GDA: variants seen among roughly 807,000 people sequenced by gnomAD.
GDA encodes the protein cytoplasmic PSD-95 interactor.
In GDA, 18 loss-of-function variants were observed where a neutral mutation model predicts 59.6. The ratio of observed to expected loss-of-function variants is 0.30; its 90% CI spans 0.21 to 0.45. The LOEUF is 0.45. Ranked by LOEUF, GDA falls within the 20% of genes least tolerant of loss-of-function variation. The probability of loss-of-function intolerance (pLI) is 1.00; values close to 1 mark genes in which losing one functional copy is unlikely to be tolerated. For synonymous variants in GDA, 201 were observed against 201.1 expected (o/e 1.00, Z 0.00); for missense variants, 427 against 552.3 (o/e 0.77, Z 2.27).
intron 1 of GDA, among the ~76,000 whole-genome samples, chr9:72,130,440 AC>A (rs1471034609): frequency 6.6e-6 from 1 of 152,230 alleles, no homozygotes; most frequent in African/African-American, 2.4e-5. Flanking sequence ...ACCATTAAGA[AC>A]ATTACATAAG....
At chr9:72,205,803 C>T (rs1030172993) in intron 3 of GDA, among the ~76,000 whole-genome samples, 2 of 152,150 alleles carry the variant, frequency 1.3e-5, no homozygotes, top group Admixed American at 6.5e-5. Flanking sequence ...ATGCTCAGGC[C>T]AAATTTAGCT....
chr9:72,121,316 G>T (rs1825653033), intron 1 of GDA, among the ~76,000 whole-genome samples: 1 of 152,164 alleles, frequency 6.6e-6, no homozygotes, highest in East Asian at 1.9e-4. Flanking sequence ...ATTCTATCTT[G>T]GCTGGGCGCA....
At chr9:72,231,312 C>G (rs1208475334) in intron 10 of GDA, 131 bp downstream of exon 10, 16 of 589,860 alleles carry the variant, frequency 2.7e-5, no homozygotes, top group Non-Finnish European at 6.3e-6. Context: ...CACGGTAGCT[C>G]ACGTCTGTAA....
chr9:72,210,349 A>T (rs976986932), intron 3 of GDA, among the ~76,000 whole-genome samples: 17 of 152,198 alleles, frequency 1.1e-4, no homozygotes, highest in African/African-American at 4.1e-4. Context: ...ATTCTGTAGT[A>T]GAAGAAAAAC....
rs1170889516 is a variant in GDA, at chr9:72,250,760, A to G, written c.*2418A>G. On this transcript the variant is annotated 3_prime_UTR_variant, in exon 14 of 14. Transcript: ENST00000358399. Reference sequence around the variant, plus strand: ...CTTGCTCTCTGACAGGAAAGAAACAATTCACTTACCAGCCTCCTCACCCCA... The same window carrying G: ...CTTGCTCTCTGACAGGAAAGAAACAGTTCACTTACCAGCCTCCTCACCCCA... 3 of 1,611,692 alleles carry G rather than the reference A, an allele frequency of 1.9e-6. No homozygotes were observed. The African/African-American group carries it at 4.0e-5, about 21-fold the overall frequency.
intron 1 of GDA, among the ~76,000 whole-genome samples, chr9:72,189,294 C>T (rs963744251): frequency 6.6e-6 from 1 of 150,686 alleles, no homozygotes; most frequent in African/African-American, 2.4e-5. Flanking sequence ...GATCCTCCCA[C>T]CTTAGCCTCC....
At chr9:72,233,961 A>G (rs572277893) in intron 10 of GDA, among the ~76,000 whole-genome samples, 144 of 152,182 alleles carry the variant, frequency 9.5e-4, no homozygotes, top group African/African-American at 3.2e-3. Context: ...AAATAAATGA[A>G]AGAATTGTAT....
Position 72,210,759 on chromosome 9 carries a change from CTTGCCGACA to C in GDA, c.460_468del (p.Ala154_Ile156del), listed in dbSNP as rs1472134659. ...AATTCACACTGACTCATCTCTGCTC[CTTGCCGACA>C]TTACAGGTGAGCAAATGAAGCATGA... On this transcript the variant is annotated inframe_deletion, in exon 4 of 14. Transcript: ENST00000358399. The C allele has an allele frequency of 6.2e-7, 1 of 1,607,440 alleles. No individual in the cohort carries two copies. The highest frequency in any genetic ancestry group is 1.1e-5 in the South Asian group (1 of 90,920).
intron 1 of GDA, among the ~76,000 whole-genome samples, chr9:72,173,789 G>C (rs1236664884): frequency 6.6e-6 from 1 of 152,106 alleles, no homozygotes; most frequent in African/African-American, 2.4e-5. Flanking sequence ...TTATAGTTCT[G>C]TTCTTTTGTC....
intron 1 of GDA, among the ~76,000 whole-genome samples, chr9:72,170,110 G>A (rs1160683965): frequency 6.6e-6 from 1 of 152,152 alleles, no homozygotes; most frequent in Non-Finnish European, 1.5e-5. Flanking sequence ...TGACAAAGAA[G>A]ATCATTTTCT....
chr9:72,150,337 G>A (rs996349514), intron 1 of GDA, among the ~76,000 whole-genome samples: 2 of 129,422 alleles, frequency 1.5e-5, no homozygotes, highest in Non-Finnish European at 3.3e-5. Flanking sequence ...ACACACACAC[G>A]CACGCACACA....
At chr9:72,211,518 A>T (rs1017266545) in intron 4 of GDA, among the ~76,000 whole-genome samples, 1 of 152,208 alleles carries the variant, frequency 6.6e-6, no homozygotes, top group Non-Finnish European at 1.5e-5. Flanking sequence ...CTCAGTAAAT[A>T]CTGTTGGCTG....
At chr9:72,191,617 C>T (rs997221125) in intron 1 of GDA, among the ~76,000 whole-genome samples, 6 of 151,816 alleles carry the variant, frequency 4.0e-5, no homozygotes, top group Non-Finnish European at 7.4e-5. Context: ...ATTCTTTTCG[C>T]TTTTGTTGCC....
chr9:72,169,334 A>C (rs1043801105), intron 1 of GDA, among the ~76,000 whole-genome samples: 1 of 152,208 alleles, frequency 6.6e-6, no homozygotes, highest in Admixed American at 6.5e-5. Flanking sequence ...TTGTTGAATT[A>C]AGTAAATAAA....
chr9:72,212,954 A>G (rs1242227877), intron 4 of GDA, among the ~76,000 whole-genome samples: 2 of 152,144 alleles, frequency 1.3e-5, no homozygotes, highest in Admixed American at 6.5e-5. Flanking sequence ...CTGGATAAGC[A>G]AAGGGAAAAA....
At chr9:72,230,326 C>G (rs1341514818) in intron 9 of GDA, among the ~76,000 whole-genome samples, 1 of 151,928 alleles carries the variant, frequency 6.6e-6, no homozygotes, top group Non-Finnish European at 1.5e-5. Context: ...AACCCTGTTT[C>G]TACTAAAAGT....
At chr9:72,193,528 G>C (rs1441526616) in intron 1 of GDA, among the ~76,000 whole-genome samples, 1 of 152,244 alleles carries the variant, frequency 6.6e-6, no homozygotes, top group Non-Finnish European at 1.5e-5. Context: ...AGTGACACAA[G>C]CACCCTTGTG....
intron 3 of GDA, among the ~76,000 whole-genome samples, chr9:72,203,715 G>A (rs1013611064): frequency 2.0e-5 from 3 of 152,144 alleles, no homozygotes; most frequent in African/African-American, 7.2e-5. Context: ...ATGTGGTGGT[G>A]GCAGTATTAT....
At chr9:72,253,520 C>T (rs914678349), downstream of GDA, 2 of 152,112 alleles carry the variant, frequency 1.3e-5, no homozygotes, top group African/African-American at 4.8e-5. Flanking sequence ...TTTTATTGTC[C>T]CTTGCTGCCT....
Sources: gnomAD v4.1 joint callset for allele counts (sites outside exome capture counted in the v4.1 genomes callset) on GRCh38, gnomAD v4.1.1 for gene constraint, MANE v1.5 for transcripts, NCBI Gene and HGNC (gene_info 2026-07-23, HGNC 2026-07-21) for gene names.